Variants in ZNF451 observed in about 807,000 individuals in gnomAD.
ZNF451 encodes E3 SUMO-protein ligase ZNF451.
Under a neutral mutation model 107.1 loss-of-function variants are expected in ZNF451, and 80 were observed. The ratio of observed to expected loss-of-function variants is 0.75; its 90% confidence interval spans 0.62 to 0.90. The LOEUF (loss-of-function observed/expected upper bound fraction) is 0.90. Ranked by LOEUF, ZNF451 falls within the 40% of genes least tolerant of loss-of-function variation. The pLI is 0.00. For missense variants in ZNF451, 1,107 were observed against 1,236.2 expected (o/e 0.90, Z 1.57); for synonymous variants, 362 against 406.5 (o/e 0.89, Z 1.32).
At chr6:57,106,590 G>A (rs1310223321) in intron 3 of ZNF451, 1 of 981,452 alleles carries the variant, frequency 1.0e-6, no homozygotes, top group Non-Finnish European at 1.2e-6. Flanking sequence ...ATAGGCGTGA[G>A]CCACCGCGCC....
chr6:57,130,201 A>G (rs1369800530), intron 5 of ZNF451, among the ~76,000 whole-genome samples: 3 of 152,206 alleles, frequency 2.0e-5, no homozygotes, highest in African/African-American at 7.2e-5. Context: ...ATGAACACAG[A>G]AAGGAAGCCT....
chr6:57,141,587 C>T (rs1453020872), intron 8 of ZNF451, 132 bp downstream of exon 8: 27 of 856,150 alleles, frequency 3.2e-5, no homozygotes, highest in Non-Finnish European at 4.4e-5. Context: ...AAGATTATCT[C>T]AATTCCTACT....
At chr6:57,124,130 A>C (rs939784373) in intron 3 of ZNF451, among the ~76,000 whole-genome samples, 1 of 152,130 alleles carries the variant, frequency 6.6e-6, no homozygotes, top group African/African-American at 2.4e-5. Flanking sequence ...TGTTAGCTGT[A>C]GGTTTTTTGT....
In ZNF451 at chr6:57,103,928, C is replaced by T. The variant is rs573008624; in HGVS notation, c.186+4787C>T. On this transcript the variant is annotated intron_variant, in intron 3 of 14. Coordinates refer to ENST00000370706, the MANE Select transcript of ZNF451 (RefSeq NM_001031623.3). ...TTATTTGTGCTACAGAGGTTGATGG[C>T]GTAAATTTTCCTACTTGGAAGAAAT... is the stretch of plus-strand genomic sequence containing the variant. 19 of 985,132 alleles carry T rather than the reference C, an allele frequency of 1.9e-5. No individual in the cohort carries two copies. The South Asian group carries it at 5.6e-4, about 29-fold the overall frequency. 61.0% of individuals were successfully genotyped at this position (985,132 alleles called of 1,614,324 possible). A position where few individuals can be genotyped will look rare whatever the true frequency, so the allele number is the denominator to read the frequency against.
rs769653349 is a variant in ZNF451 at position 57,141,430 on chromosome 6, T to G, written c.831T>G (p.His277Gln). ...ECSKHMSGKNHFHQSFKLGDN... is the reference protein window; with the variant it reads ...ECSKHMSGKNQFHQSFKLGDN... The stretch of plus-strand genomic sequence containing the variant: ...CAAAGCATATGTCTGGAAAGAATCA[T>G]TTCCATCAGAGTTTCAAACTGGGTG... The change falls in exon 8 of 15, where the codon CAT becomes CAG. Residue 277 changes from histidine (H) to glutamine (Q), a missense_variant. By Grantham distance (24) the His-to-Gln change is conservative (BLOSUM62 0). Around this residue, in one of 5 missense-constraint regions of ZNF451, gnomAD observed 339 missense variants for 372.8 expected, o/e 0.91. Transcript: ENST00000370706. 1 of 1,612,212 alleles carries G rather than the reference T, an allele frequency of 6.2e-7. No individual in the cohort carries two copies. Among genetic ancestry groups the G allele is most frequent in the Non-Finnish European group, 8.5e-7 (1 of 1,179,006 alleles).
Position 57,128,397 on chromosome 6 carries a change from G to A in ZNF451, c.313-332G>A, listed in dbSNP as rs144664344. ...CCTCATTTGTTTAATACAGTTTGGCGACCTACTTGATATCCAAAGTATATT... is the reference window on the plus strand; with the variant it reads ...CCTCATTTGTTTAATACAGTTTGGCAACCTACTTGATATCCAAAGTATATT... On this transcript the variant is annotated intron_variant, in intron 4 of 14. Coordinates refer to ENST00000370706, the MANE Select transcript of ZNF451 (RefSeq NM_001031623.3). Among the ~76,000 whole-genome samples, 367 of 151,858 alleles carry A rather than the reference G, an allele frequency of 2.4e-3. 1 individual carries two copies. The highest frequency in any genetic ancestry group is 8.5e-3 in the African/African-American group (352 of 41,412).
In ZNF451 at chr6:57,129,689, T is replaced by G. The variant is rs1244247655; in HGVS notation, c.424+849T>G. Among the ~76,000 whole-genome samples the G allele has an allele frequency of 2.0e-5, 3 of 152,122 alleles. No individual in the cohort carries two copies. In the East Asian group the frequency reaches 5.8e-4, roughly 29 times the overall value. The stretch of plus-strand genomic sequence containing the variant: ...ACATGTATTGGTATTTAGCAGTTCA[T>G]TCCATTTGATACCTGACATAATCGA... On this transcript the variant is annotated intron_variant, in intron 5 of 14. Coordinates refer to ENST00000370706, the MANE Select transcript of ZNF451 (RefSeq NM_001031623.3).
intron 7 of ZNF451, among the ~76,000 whole-genome samples, 182 bp from the exon 8 acceptor site, chr6:57,141,113 AATTTGAC>A (rs1415886057): frequency 1.3e-5 from 2 of 152,206 alleles, no homozygotes; most frequent in Admixed American, 1.3e-4. Context: ...AAAAACTAAA[AATTTGAC>A]ATTTGGGACC....
At chr6:57,096,910 G>T (rs1326560923) in intron 2 of ZNF451, among the ~76,000 whole-genome samples, 2 of 150,856 alleles carry the variant, frequency 1.3e-5, no homozygotes, top group Non-Finnish European at 3.0e-5. Context: ...TGGGTAGCTG[G>T]GACTACAGGT....
At chr6:57,097,218 C>CTGCCCAGTTT (rs1164630035) in intron 2 of ZNF451, among the ~76,000 whole-genome samples, 7 of 152,176 alleles carry the variant, frequency 4.6e-5, no homozygotes, top group Admixed American at 3.9e-4. Context: ...CTACAGATCC[C>CTGCCCAGTTT]TGCCCAGTTT....
chr6:57,165,855 A>C (rs1025545845), intron 14 of ZNF451: 2 of 152,234 alleles, frequency 1.3e-5, no homozygotes, highest in African/African-American at 4.8e-5. Flanking sequence ...ACATAGAGAC[A>C]TAAAAATACA....
chr6:57,147,674 T>A lies in ZNF451; in HGVS notation c.1589T>A (p.Leu530His). ...GGAGGGGCACATTTAAATAACTTTCTTTTCTGGTGTCGGACATGCAAAAAG... is the reference window on the plus strand; with the variant it reads ...GGAGGGGCACATTTAAATAACTTTCATTTCTGGTGTCGGACATGCAAAAAG... ...IHGGAHLNNF[L>H]FWCRTCKKEL... Residue 530 changes from leucine (L) to histidine (H), a missense_variant, in exon 10 of 15, where the codon CTT (leucine) becomes CAT (histidine). Physicochemically the swap from Leu to His is moderately conservative, Grantham distance 99. Around this residue, in one of 5 missense-constraint regions of ZNF451, gnomAD observed 608 missense variants for 649.2 expected, o/e 0.94. Coordinates refer to ENST00000370706, the MANE Select transcript of ZNF451 (RefSeq NM_001031623.3). 2 of 1,614,140 alleles carry A rather than the reference T, an allele frequency of 1.2e-6. No homozygotes were observed. Among genetic ancestry groups the A allele is most frequent in the East Asian group, 2.2e-5 (1 of 44,884 alleles).
intron 2 of ZNF451, among the ~76,000 whole-genome samples, chr6:57,095,983 C>G (rs1191627956): frequency 6.6e-6 from 1 of 151,812 alleles, no homozygotes; most frequent in East Asian, 1.9e-4. Context: ...ACCACCACGC[C>G]CAGCTAATTT....
intron 13 of ZNF451, 91 bp from the exon 14 acceptor site, chr6:57,160,993 G>T (rs1763647502): frequency 3.9e-6 from 3 of 765,290 alleles, no homozygotes; most frequent in Non-Finnish European, 6.1e-6. Flanking sequence ...ATTATAATGA[G>T]TAAGCTTGGG....
At chr6:57,102,005 A>G (rs1334976371) in intron 3 of ZNF451, 4 of 1,550,362 alleles carry the variant, frequency 2.6e-6, no homozygotes, top group African/African-American at 1.4e-5. Flanking sequence ...AATAGAGGAT[A>G]CTCCAAAGGG....
chr6:57,128,461 C>T (rs775431267), intron 4 of ZNF451, among the ~76,000 whole-genome samples: 5 of 152,106 alleles, frequency 3.3e-5, no homozygotes, highest in Admixed American at 6.6e-5. Flanking sequence ...TTTTTAATGA[C>T]GTCCATCAAA....
At chr6:57,165,157 CTT>C (rs1222389143) in intron 14 of ZNF451, 6 of 152,098 alleles carry the variant, frequency 3.9e-5, no homozygotes, top group Admixed American at 6.6e-5. Flanking sequence ...TTGTTTCTCT[CTT>C]GTTGTTTTCA....
At chr6:57,114,483 A>T (rs567731091) in intron 3 of ZNF451, among the ~76,000 whole-genome samples, 1 of 152,318 alleles carries the variant, frequency 6.6e-6, no homozygotes, top group East Asian at 1.9e-4. Context: ...TATTTTCCCA[A>T]TAGCCATTAA....
At chr6:57,130,107 G>A (rs1465636165) in intron 5 of ZNF451, among the ~76,000 whole-genome samples, 3 of 152,116 alleles carry the variant, frequency 2.0e-5, no homozygotes, top group Non-Finnish European at 4.4e-5. Flanking sequence ...TTTAGCGTCA[G>A]TTCCTTAAAA....
Sources: gnomAD v4.1 joint callset for allele counts (sites outside exome capture counted in the v4.1 genomes callset) on GRCh38, gnomAD v4.1.1 for gene constraint, gnomAD v4.1.1 regional missense constraint, MANE v1.5 for transcripts, NCBI Gene and HGNC (gene_info 2026-07-23, HGNC 2026-07-21) for gene names.